The following TBCD variants were observed in gnomAD, a reference collection of about 807,000 sequenced individuals.
TBCD encodes the protein tubulin-specific chaperone D.
A neutral mutation model predicts 169.3 loss-of-function variants in TBCD; 105 were observed. The observed-to-expected ratio is 0.62, with a 90% CI of 0.53 to 0.73. The LOEUF (loss-of-function observed/expected upper bound fraction) is 0.73. Among genes scored for constraint, TBCD ranks in the 30% least tolerant of loss-of-function variants. TBCD has a pLI of 0.00. For synonymous variants in TBCD, 700 were observed against 643.9 expected (o/e 1.09, Z -1.32); for missense variants, 1,444 against 1,600.1 (o/e 0.90, Z 1.66).
chr17:82,822,856 T>C (rs1319091207), intron 13 of TBCD, among the ~76,000 whole-genome samples: 1 of 152,078 alleles, frequency 6.6e-6, no homozygotes, highest in Non-Finnish European at 1.5e-5. Flanking sequence ...AAGTTATGGA[T>C]TGATGAGTTC....
intron 13 of TBCD, among the ~76,000 whole-genome samples, chr17:82,861,795 G>A (rs1599011920): frequency 6.6e-6 from 1 of 152,096 alleles, no homozygotes; most frequent in Admixed American, 6.5e-5. Flanking sequence ...ATTTTAATAG[G>A]GAATTTTCTA....
chr17:82,847,356 G>GAAAAAAAAAAAA (rs1041994030), intron 13 of TBCD, among the ~76,000 whole-genome samples: 1 of 81,756 alleles, frequency 1.2e-5, no homozygotes, highest in Non-Finnish European at 2.4e-5. Context: ...CCATGTCAAA[G>GAAAAAAAAAAAA]AAAAAAAAAA....
chr17:82,937,809 C>A, intron 35 of TBCD: 1 of 1,428,556 alleles, frequency 7.0e-7, no homozygotes, highest in Non-Finnish European at 9.3e-7. Context: ...AGCGGCCCTG[C>A]AGGAGATCCT....
At chr17:82,929,801 G>T (rs1399153224) in intron 32 of TBCD, 1 of 529,816 alleles carries the variant, frequency 1.9e-6, no homozygotes, top group Non-Finnish European at 3.4e-6. Flanking sequence ...ACCTGTGTCT[G>T]ATGCCTGCAT....
chr17:82,865,511 G>A (rs2057106113), intron 13 of TBCD: 1 of 985,370 alleles, frequency 1.0e-6, no homozygotes, highest in African/African-American at 1.7e-5. Flanking sequence ...CTTCCTCGTG[G>A]AGGGTGTGGC....
intron 13 of TBCD, among the ~76,000 whole-genome samples, chr17:82,844,206 C>CGTGTGTGTGTGTGTGTGTGGGTGT (rs2054800633): frequency 7.8e-6 from 1 of 127,410 alleles, no homozygotes; most frequent in African/African-American, 3.2e-5. Context: ...GGATGTTCTC[C>CGTGTGTGTGTGTGTGTGTGGGTGT]GTGTGTGTGT....
intron 13 of TBCD, among the ~76,000 whole-genome samples, chr17:82,836,039 G>T (rs891390549): frequency 6.6e-6 from 1 of 152,216 alleles, no homozygotes; most frequent in African/African-American, 2.4e-5. Flanking sequence ...CCGGGTCAAG[G>T]CCAAGCAAAT....
chr17:82,784,542 G>A (rs144394652), intron 7 of TBCD, among the ~76,000 whole-genome samples: 1 of 152,274 alleles, frequency 6.6e-6, no homozygotes, highest in Non-Finnish European at 1.5e-5. Flanking sequence ...GGGAATGTGC[G>A]TTTTATGTTT....
At chr17:82,758,400 A>AAAATAAAT (rs1555672642) in intron 2 of TBCD, among the ~76,000 whole-genome samples, 28 of 100,046 alleles carry the variant, frequency 2.8e-4, no homozygotes, top group South Asian at 3.8e-4. Context: ...AAAAAAAAAA[A>AAAATAAAT]AAATAAATAA....
intron 11 of TBCD, among the ~76,000 whole-genome samples, chr17:82,809,141 G>A (rs969740116): frequency 1.3e-5 from 2 of 152,064 alleles, no homozygotes; most frequent in Non-Finnish European, 2.9e-5. Context: ...CCAGAGCCTC[G>A]TCTGGTTGGG....
At chr17:82,808,239 C>T (rs1307704986) in intron 11 of TBCD, among the ~76,000 whole-genome samples, 4 of 152,126 alleles carry the variant, frequency 2.6e-5, no homozygotes, top group Middle Eastern at 3.2e-3. Flanking sequence ...CAGCGATACA[C>T]GTGAAGAAGA....
intron 37 of TBCD, among the ~76,000 whole-genome samples, chr17:82,940,598 C>T (rs1374536492): frequency 2.0e-5 from 3 of 152,162 alleles, no homozygotes; most frequent in Admixed American, 6.5e-5. Context: ...CCAGGGCTTC[C>T]GCGAGGTTTT....
In TBCD at chr17:82,923,736, G is replaced by C; in HGVS notation, c.2260+3G>C. 1 of 1,594,480 alleles carries C rather than the reference G, an allele frequency of 6.3e-7. No individual in the cohort carries two copies. Among genetic ancestry groups the C allele is most frequent in the Non-Finnish European group, 8.5e-7 (1 of 1,170,792 alleles). On this transcript the variant is annotated splice_donor_region_variant and intron_variant, in intron 26 of 38. Transcript: ENST00000355528. The surrounding 1 kb of genome is among the most constrained non-coding windows in gnomAD (Gnocchi z 4.6). ...GGAGGCAGATCCCGCAATTCAGGGT[G>C]AGTGGGGAGCCCTTTTCTTGAAGAC...
At chr17:82,776,370 C>T (rs905493116) in intron 6 of TBCD, among the ~76,000 whole-genome samples, 1 of 152,136 alleles carries the variant, frequency 6.6e-6, no homozygotes, top group Non-Finnish European at 1.5e-5. Context: ...GATTGCGCCA[C>T]TGCATTCCAG....
rs1599203351 is a variant in TBCD, at chr17:82,884,305, A to C, written c.1533+103A>C. 1 of 1,141,650 alleles carries C rather than the reference A, an allele frequency of 8.8e-7. No homozygotes were observed. The highest frequency in any genetic ancestry group is 2.0e-5 in the Admixed American group (1 of 50,108). The allele number at this position is 1,141,650 out of a possible 1,614,324, so 70.7% of individuals were successfully genotyped here. ...TGCTGCCTGGCCAGCTCACCCATCC[A>C]CAGCAGGAGCCGCGAGGGAGCTGCT... On this transcript the variant is annotated intron_variant, in intron 15 of 38. Transcript: ENST00000355528. This position sits in a 1 kb window ranked among gnomAD's most constrained non-coding sequence, Gnocchi z 4.2.
rs886155188 is a variant in TBCD at position 82,945,358 on chromosome 17, G to A, written c.*2895G>A. 2.0e-5 allele frequency: 3 copies of A among 152,184 alleles called. No homozygotes were observed. Among genetic ancestry groups the A allele is most frequent in the Non-Finnish European group, 4.4e-5 (3 of 68,032 alleles). 9.4% of individuals were successfully genotyped at this position (152,184 alleles called of 1,614,324 possible). A position where few individuals can be genotyped will look rare whatever the true frequency, so the allele number is the denominator to read the frequency against. On this transcript the variant is annotated 3_prime_UTR_variant, in exon 39 of 39. Coordinates refer to ENST00000355528, the MANE Select transcript of TBCD (RefSeq NM_005993.5). Reference sequence around the variant, plus strand: ...TGATGCAGATATTCCATACTGACATGCAACAGTCCCCAGATACAGAAGCCT... The same window carrying A: ...TGATGCAGATATTCCATACTGACATACAACAGTCCCCAGATACAGAAGCCT...
chr17:82,900,479 A>G, intron 17 of TBCD, 172 bp from the exon 18 acceptor site: 2 of 609,310 alleles, frequency 3.3e-6, no homozygotes, highest in South Asian at 2.0e-5. Flanking sequence ...CCGTGTGTGC[A>G]CAGATGCTCT....
chr17:82,860,992 T>G (rs2056711881), intron 13 of TBCD, among the ~76,000 whole-genome samples: 1 of 152,184 alleles, frequency 6.6e-6, no homozygotes, highest in South Asian at 2.1e-4. Context: ...CACATGCACG[T>G]GAATGCTTTA....
intron 1 of TBCD, among the ~76,000 whole-genome samples, chr17:82,754,395 G>A (rs1304188514): frequency 6.6e-6 from 1 of 152,182 alleles, no homozygotes; most frequent in Non-Finnish European, 1.5e-5. Context: ...TGTCAGACAT[G>A]GAAACAATCT....
Sources: gnomAD v4.1 joint callset for allele counts (sites outside exome capture counted in the v4.1 genomes callset) on GRCh38, gnomAD v4.1.1 for gene constraint, Gnocchi (gnomAD v3.1) non-coding constraint, MANE v1.5 for transcripts, NCBI Gene and HGNC (gene_info 2026-07-23, HGNC 2026-07-21) for gene names.